The following GATB variants were observed in gnomAD, a reference collection of about 807,000 sequenced individuals.
GATB encodes the protein glutamyl-tRNA(Gln) amidotransferase subunit B, mitochondrial.
A neutral mutation model predicts 62.3 loss-of-function variants in GATB; 39 were observed. The ratio of observed to expected loss-of-function variants is 0.63; its 90% CI spans 0.48 to 0.82. The LOEUF (loss-of-function observed/expected upper bound fraction) is 0.82. Among genes scored for constraint, GATB ranks in the 40% least tolerant of loss-of-function variants. The pLI is 0.00. For missense variants in GATB, 670 were observed against 684.0 expected (o/e 0.98, Z 0.23); for synonymous variants, 276 against 258.9 (o/e 1.07, Z -0.63).
chr4:151,672,520 C>T, intron 12 of GATB: 1 of 504,432 alleles, frequency 2.0e-6, no homozygotes, highest in Non-Finnish European at 3.5e-6. Flanking sequence ...AACTACACCT[C>T]CATGGAGAGT....
chr4:151,748,216 A>G (rs1739641945), intron 2 of GATB, among the ~76,000 whole-genome samples: 1 of 152,206 alleles, frequency 6.6e-6, no homozygotes, highest in Admixed American at 6.5e-5. Context: ...GTCAATCCTA[A>G]GCCAAAAGAA....
intron 2 of GATB, among the ~76,000 whole-genome samples, chr4:151,753,902 ACT>A (rs1206399513): frequency 1.3e-5 from 2 of 151,700 alleles, no homozygotes; most frequent in African/African-American, 2.4e-5. Flanking sequence ...AGTTGCCCAC[ACT>A]CACTTCTTCC....
intron 2 of GATB, among the ~76,000 whole-genome samples, chr4:151,752,318 G>A (rs752592349): frequency 6.6e-6 from 1 of 152,086 alleles, no homozygotes; most frequent in Non-Finnish European, 1.5e-5. Context: ...TAGTTGGCAG[G>A]CCCTTTCCAT....
At chr4:151,687,721 T>C (rs534674958) in intron 10 of GATB, among the ~76,000 whole-genome samples, 2 of 152,074 alleles carry the variant, frequency 1.3e-5, no homozygotes, top group Non-Finnish European at 2.9e-5. Context: ...TAAGAAGAGA[T>C]TGGAGGGCCT....
intron 2 of GATB, among the ~76,000 whole-genome samples, chr4:151,736,395 T>G (rs1298660079): frequency 2.6e-5 from 4 of 152,248 alleles, no homozygotes; most frequent in Non-Finnish European, 5.9e-5. Flanking sequence ...CCCCCAAAGC[T>G]GTATGTGTGT....
At chr4:151,690,641 C>G (rs1738346247) in intron 9 of GATB, among the ~76,000 whole-genome samples, 1 of 152,244 alleles carries the variant, frequency 6.6e-6, no homozygotes, top group Non-Finnish European at 1.5e-5. Flanking sequence ...AAATATTGCA[C>G]TTAAACTCAC....
chr4:151,703,969 C>T, intron 7 of GATB, 74 bp from the exon 8 acceptor site: 3 of 1,028,738 alleles, frequency 2.9e-6, no homozygotes, highest in South Asian at 1.4e-5. Flanking sequence ...GAAGGGCTCC[C>T]CTACCAATAA....
intron 2 of GATB, among the ~76,000 whole-genome samples, chr4:151,751,908 G>A (rs1190771526): frequency 6.6e-6 from 1 of 152,018 alleles, no homozygotes; most frequent in East Asian, 1.9e-4. Context: ...TTATTCTGGA[G>A]CCACCTTCCT....
At position 151,671,150 on chromosome 4, in the gene GATB, T is replaced by A. The variant is rs1329693010; in HGVS notation, c.*24A>T. 1.2e-6 allele frequency: 2 copies of A among 1,613,958 alleles called. No individual in the cohort carries two copies. The highest frequency in any genetic ancestry group is 2.7e-5 in the African/African-American group (2 of 75,052). Reference sequence around the variant, plus strand: ...AGGCTGCACTGTTTGTTGTTGTCCCTTGGGCAAGGGGATCCCAAACATCTC... The same window carrying A: ...AGGCTGCACTGTTTGTTGTTGTCCCATGGGCAAGGGGATCCCAAACATCTC... On this transcript the variant is annotated 3_prime_UTR_variant, in exon 13 of 13. Coordinates refer to ENST00000263985, the MANE Select transcript of GATB (RefSeq NM_004564.3).
chr4:151,688,635 A>G lies in GATB; in HGVS notation c.1326T>C (p.Ser442=). ...AAATCCCAGACCTCACTCACCTCTCACTGACAGCGAGGTTCTGTTGCTTTA... is the reference window on the plus strand; with the variant it reads ...AAATCCCAGACCTCACTCACCTCTCGCTGACAGCGAGGTTCTGTTGCTTTA... ...GYLKQQNLAV[S]ESPVTPSALA... Residue 442 remains serine, a synonymous_variant, in exon 10 of 13, where the codon AGT becomes AGC. Coordinates refer to ENST00000263985, the MANE Select transcript of GATB (RefSeq NM_004564.3). 2 of 1,603,768 alleles carry G rather than the reference A, an allele frequency of 1.2e-6. No homozygotes were observed. Among genetic ancestry groups the G allele is most frequent in the Non-Finnish European group, 8.5e-7 (1 of 1,177,272 alleles).
intron 10 of GATB, among the ~76,000 whole-genome samples, chr4:151,683,010 C>T (rs1315819662): frequency 1.3e-5 from 2 of 152,094 alleles, no homozygotes; most frequent in Non-Finnish European, 2.9e-5. Flanking sequence ...TCCTCCTCCT[C>T]TTCCATCAAA....
At chr4:151,721,975 CT>C (rs963753588) in intron 2 of GATB, 4 of 561,856 alleles carry the variant, frequency 7.1e-6, no homozygotes, top group East Asian at 5.9e-5. Context: ...ATGCTTTAAT[CT>C]TTTTTTGATG....
At chr4:151,729,419 G>C (rs1739199281) in intron 2 of GATB, among the ~76,000 whole-genome samples, 1 of 152,126 alleles carries the variant, frequency 6.6e-6, no homozygotes, top group Non-Finnish European at 1.5e-5. Flanking sequence ...GAAAAATAAA[G>C]GACAATACTG....
chr4:151,688,768 TAAA>T lies in GATB; in HGVS notation c.1198-8_1198-6del, dbSNP rs11292952. ...CTCCAGTAGGCCGACTTCGTTCTGT[TAAA>T]AAAAAAAAAAGAAAATTACATAAAG... On this transcript the variant is annotated splice_region_variant and splice_polypyrimidine_tract_variant and intron_variant, in intron 9 of 12. Coordinates refer to ENST00000263985, the MANE Select transcript of GATB (RefSeq NM_004564.3). The T allele has an allele frequency of 1.8e-4, 256 of 1,427,566 alleles. No homozygotes were observed. Among genetic ancestry groups the T allele is most frequent in the South Asian group, 4.6e-4 (34 of 74,466 alleles). The allele number at this position is 1,427,566 out of a possible 1,614,324, so 88.4% of individuals were successfully genotyped here. A position where few individuals can be genotyped will look rare whatever the true frequency, so the allele number is the denominator to read the frequency against.
chr4:151,738,603 T>G (rs1427992866), intron 2 of GATB, among the ~76,000 whole-genome samples: 1 of 152,224 alleles, frequency 6.6e-6, no homozygotes, highest in Admixed American at 6.5e-5. Flanking sequence ...CAAATAAAAT[T>G]TATGTGCTAC....
At position 151,730,892 on chromosome 4, in the gene GATB, C is replaced by T. The variant is rs183828762; in HGVS notation, c.328-11354G>A. 1.2e-4 allele frequency among the ~76,000 whole-genome samples: 18 copies of T among 152,300 alleles called. No individual in the cohort carries two copies. Among genetic ancestry groups the T allele is most frequent in the Admixed American group, 3.3e-4 (5 of 15,304 alleles). On this transcript the variant is annotated intron_variant, in intron 2 of 12. Coordinates refer to ENST00000263985, the MANE Select transcript of GATB (RefSeq NM_004564.3). This position sits in a 1 kb window ranked among gnomAD's most constrained non-coding sequence, Gnocchi z 4.1. ...TTTTCAACACTCCCCCAAAATCACA[C>T]TAGTTTACCAGCAATGAATCCAAAT...
At chr4:151,741,840 T>G (rs868323187) in intron 2 of GATB, among the ~76,000 whole-genome samples, 4 of 152,256 alleles carry the variant, frequency 2.6e-5, no homozygotes, top group Middle Eastern at 3.4e-3. Context: ...TACACAAAGG[T>G]TAAGGGAATC....
intron 3 of GATB, among the ~76,000 whole-genome samples, chr4:151,717,951 T>A (rs1738946138): frequency 6.6e-6 from 1 of 152,174 alleles, no homozygotes; most frequent in Non-Finnish European, 1.5e-5. Context: ...CACAGCCACA[T>A]ACAGAGCTAG....
chr4:151,695,561 G>A (rs1015859211), intron 9 of GATB, among the ~76,000 whole-genome samples: 1 of 151,970 alleles, frequency 6.6e-6, no homozygotes, highest in Non-Finnish European at 1.5e-5. Flanking sequence ...GGCTTCCTCC[G>A]CTGAACTCTC....
Sources: gnomAD v4.1 joint callset for allele counts (sites outside exome capture counted in the v4.1 genomes callset) on GRCh38, gnomAD v4.1.1 for gene constraint, Gnocchi (gnomAD v3.1) non-coding constraint, MANE v1.5 for transcripts, NCBI Gene and HGNC (gene_info 2026-07-23, HGNC 2026-07-21) for gene names.